The following ENOX1 variants were observed in gnomAD, a reference collection of about 807,000 sequenced individuals.
The protein encoded by ENOX1 is candidate growth-related and time keeping constitutive hydroquinone (NADH) oxidase.
ENOX1 carries 42 observed loss-of-function variants against 82.5 expected under a neutral mutation model. That is an observed-to-expected ratio of 0.51 (90% CI 0.40 to 0.66). ENOX1 has a LOEUF of 0.66. Among genes scored for constraint, ENOX1 ranks in the 30% least tolerant of loss-of-function variants. The probability of loss-of-function intolerance (pLI) is 0.00; values close to 1 mark genes in which losing one functional copy is unlikely to be tolerated. For missense variants in ENOX1, 608 were observed against 811.6 expected, an observed-to-expected ratio of 0.75 and a Z score of 3.05; for synonymous variants, 271 against 282.2, an observed-to-expected ratio of 0.96 and a Z score of 0.40.
chr13:43,574,402 A>G (rs1457124221), intron 2 of ENOX1, among the ~76,000 whole-genome samples: 1 of 152,188 alleles, frequency 6.6e-6, no homozygotes, highest in African/African-American at 2.4e-5. Flanking sequence ...CTACAAATGA[A>G]AGAATCCTTT....
At chr13:43,377,509 C>A (rs545972045) in intron 5 of ENOX1, among the ~76,000 whole-genome samples, 2 of 152,316 alleles carry the variant, frequency 1.3e-5, no homozygotes, top group African/African-American at 4.8e-5. Flanking sequence ...CGTTTTCCCA[C>A]GAACAAAACT....
At chr13:43,289,632 A>T (rs977189710) in intron 12 of ENOX1, among the ~76,000 whole-genome samples, 2 of 152,252 alleles carry the variant, frequency 1.3e-5, no homozygotes, top group Non-Finnish European at 2.9e-5. Flanking sequence ...CCTAGAAGCC[A>T]ATCTGGAAAT....
intron 2 of ENOX1, among the ~76,000 whole-genome samples, chr13:43,571,176 T>C (rs2080160871): frequency 6.6e-6 from 1 of 152,182 alleles, no homozygotes; most frequent in Non-Finnish European, 1.5e-5. Flanking sequence ...GACGGCTGTC[T>C]ACCAATGCCT....
Position 43,367,435 on chromosome 13 carries a change from G to T in ENOX1, c.209-5983C>A, listed in dbSNP as rs80023553. Among the ~76,000 whole-genome samples the T allele has an allele frequency of 1.0e-2, 1,517 of 152,272 alleles. 22 individuals are homozygous for T. The highest frequency in any genetic ancestry group is 0.035 in the African/African-American group (1,450 of 41,546). On this transcript the variant is annotated intron_variant, in intron 5 of 16. Coordinates refer to ENST00000690772, the MANE Select transcript of ENOX1 (RefSeq NM_001347969.2). ...AGGGTAGGCATGATCTAATATGACTGCTGTCCTTATAAGATGAGGAGAAAA... is the reference window on the plus strand; with the variant it reads ...AGGGTAGGCATGATCTAATATGACTTCTGTCCTTATAAGATGAGGAGAAAA...
chr13:43,356,432 T>A (rs991630901), intron 7 of ENOX1, among the ~76,000 whole-genome samples: 2 of 152,116 alleles, frequency 1.3e-5, no homozygotes, highest in South Asian at 4.1e-4. Context: ...GAGAAGATGA[T>A]CTCAGGAACT....
intron 5 of ENOX1, among the ~76,000 whole-genome samples, chr13:43,387,353 G>A (rs1028136675): frequency 6.6e-6 from 1 of 152,150 alleles, no homozygotes; most frequent in East Asian, 1.9e-4. Flanking sequence ...CTGGCCTGTG[G>A]TGGGAAGATA....
chr13:43,782,838 A>G (rs984507379), intron 1 of ENOX1, among the ~76,000 whole-genome samples: 1 of 152,222 alleles, frequency 6.6e-6, no homozygotes, highest in Non-Finnish European at 1.5e-5. Flanking sequence ...TCATTTTAGC[A>G]TTAAGAAACA....
intron 2 of ENOX1, among the ~76,000 whole-genome samples, chr13:43,599,374 G>C (rs112265602): frequency 6.2e-4 from 94 of 152,052 alleles, no homozygotes; most frequent in African/African-American, 2.1e-3. Context: ...GAAAGGGAGA[G>C]TGCAGTGATA....
At chr13:43,713,646 G>A (rs1024115970) in intron 1 of ENOX1, among the ~76,000 whole-genome samples, 1 of 152,182 alleles carries the variant, frequency 6.6e-6, no homozygotes, top group Non-Finnish European at 1.5e-5. Context: ...TCTTGGGAGG[G>A]TGTATTTGTC....
chr13:43,644,350 T>C (rs2083798889), intron 2 of ENOX1, among the ~76,000 whole-genome samples: 1 of 152,226 alleles, frequency 6.6e-6, no homozygotes, highest in South Asian at 2.1e-4. Flanking sequence ...CCTAGATAGC[T>C]CTGTGTACGC....
intron 5 of ENOX1, among the ~76,000 whole-genome samples, chr13:43,377,544 T>C (rs758645091): frequency 2.0e-5 from 3 of 152,232 alleles, no homozygotes; most frequent in Non-Finnish European, 4.4e-5. Flanking sequence ...TTTTTTTTCT[T>C]GAGTGAATTA....
chr13:43,431,862 A>T (rs750851762), intron 3 of ENOX1, among the ~76,000 whole-genome samples: 1 of 152,182 alleles, frequency 6.6e-6, no homozygotes, highest in East Asian at 1.9e-4. Context: ...CACACACGTC[A>T]TAGGCAAACC....
intron 2 of ENOX1, among the ~76,000 whole-genome samples, chr13:43,535,825 A>G (rs1488879520): frequency 1.3e-5 from 2 of 152,200 alleles, no homozygotes; most frequent in African/African-American, 2.4e-5. Flanking sequence ...TATCCTTCTT[A>G]TATCACCTGA....
At chr13:43,355,805 A>T in intron 8 of ENOX1, 114 bp downstream of exon 8, 1 of 1,059,326 alleles carries the variant, frequency 9.4e-7, no homozygotes, top group Non-Finnish European at 1.4e-6. Context: ...CAGCCTTCTT[A>T]AGGCATAGCA....
intron 1 of ENOX1, among the ~76,000 whole-genome samples, chr13:43,770,803 T>C (rs1411229229): frequency 6.6e-6 from 1 of 152,018 alleles, no homozygotes; most frequent in Non-Finnish European, 1.5e-5. Flanking sequence ...TCTTTTTGTA[T>C]TCTTCTACAG....
At chr13:43,349,053 C>A (rs1298007672) in intron 8 of ENOX1, among the ~76,000 whole-genome samples, 8 of 152,120 alleles carry the variant, frequency 5.3e-5, no homozygotes, top group Non-Finnish European at 2.9e-5. Flanking sequence ...TACTGTATTC[C>A]TAATAGATTT....
At chr13:43,292,636 C>T (rs1045801773) in intron 12 of ENOX1, among the ~76,000 whole-genome samples, 6 of 151,886 alleles carry the variant, frequency 4.0e-5, no homozygotes, top group Non-Finnish European at 8.8e-5. Flanking sequence ...AAAAAAAAAC[C>T]CTATAAAATA....
At chr13:43,542,567 C>T (rs1323969276) in intron 2 of ENOX1, among the ~76,000 whole-genome samples, 1 of 151,916 alleles carries the variant, frequency 6.6e-6, no homozygotes, top group Admixed American at 6.6e-5. Flanking sequence ...TCCGGAGTAG[C>T]TGGGATTACA....
At chr13:43,308,284 TCTC>T (rs1042536411) in intron 11 of ENOX1, among the ~76,000 whole-genome samples, 1 of 152,016 alleles carries the variant, frequency 6.6e-6, no homozygotes, top group Non-Finnish European at 1.5e-5. Flanking sequence ...CCCTCTCACT[TCTC>T]CTTTCTTTGC....
Sources: allele counts gnomAD v4.1 joint callset (sites outside exome capture counted in the v4.1 genomes callset), GRCh38; gene constraint gnomAD v4.1.1; transcripts MANE v1.5; gene names NCBI Gene and HGNC (gene_info 2026-07-23, HGNC 2026-07-21).